The following VWF variants were observed in gnomAD, a reference collection of about 807,000 sequenced individuals.
The protein encoded by VWF is von Willebrand factor.
A neutral mutation model predicts 308.6 loss-of-function variants in VWF; 176 were observed. That is an observed-to-expected ratio of 0.57 (90% confidence interval 0.50 to 0.65). The LOEUF is 0.65. Ranked by LOEUF, VWF falls within the 30% of genes least tolerant of loss-of-function variation. The pLI, the probability that VWF is intolerant of heterozygous loss-of-function variation, is 0.00. For synonymous variants in VWF, 1,385 were observed against 1,443.4 expected (o/e 0.96, Z 0.92); for missense variants, 3,146 against 3,648.2 (o/e 0.86, Z 3.55).
At chr12:5,972,423 G>A (rs77344012) in intron 43 of VWF, among the ~76,000 whole-genome samples, 3,415 of 152,318 alleles carry the variant, frequency 0.022, 68 homozygotes, top group East Asian at 0.08. Context: ...CAATGACAGT[G>A]TGTTTGTCCC....
rs910441755 is a variant in VWF, at chr12:6,058,344, G to A, written c.1534-300C>T. ...GAGAAGGGAGGCCCAAAGAGGCAAA[G>A]TGACTTGCCTAAGGTCAGGGAGGTA... On this transcript the variant is annotated intron_variant, in intron 13 of 51. Transcript: ENST00000261405. The surrounding 1 kb of genome is among the most constrained non-coding windows in gnomAD (Gnocchi z 4.9). Among the ~76,000 whole-genome samples the A allele has an allele frequency of 3.9e-5, 6 of 152,212 alleles. No individual in the cohort carries two copies. Among genetic ancestry groups the A allele is most frequent in the Admixed American group, 2.0e-4 (3 of 15,286 alleles).
chr12:6,000,525 G>A (rs567557949), intron 34 of VWF, among the ~76,000 whole-genome samples: 1 of 152,144 alleles, frequency 6.6e-6, no homozygotes, highest in Admixed American at 6.5e-5. Flanking sequence ...ATCTACTAGA[G>A]ACCCAGGCGC....
At chr12:5,990,874 A>T (rs1943732750) in intron 38 of VWF, among the ~76,000 whole-genome samples, 1 of 49,442 alleles carries the variant, frequency 2.0e-5, no homozygotes. Flanking sequence ...GAGCTAAAAA[A>T]AAAAAAAAAA....
In VWF at chr12:6,027,131, G is replaced by A. The variant is rs142008474; in HGVS notation, c.2968-1085C>T. On this transcript the variant is annotated intron_variant, in intron 22 of 51. Coordinates refer to ENST00000261405, the MANE Select transcript of VWF (RefSeq NM_000552.5). The stretch of plus-strand genomic sequence containing the variant: ...TCTCACTGTTGGGCAAAAGGCCAAC[G>A]ATCTTCCCATGGCCTAGTAGCCCCC... Among the ~76,000 whole-genome samples the A allele has an allele frequency of 2.0e-5, 3 of 152,264 alleles. No homozygotes were observed. The East Asian group carries it at 5.8e-4, about 29-fold the overall frequency.
chr12:6,019,381 T>C lies in VWF; in HGVS notation c.4037A>G (p.Gln1346Arg), dbSNP rs778358708. ...CACCTGGCTGCCCGCATACTTCACC[T>C]GGCTGGCAATGCGCCGCAGCTCTGA... is the stretch of plus-strand genomic sequence containing the variant. Reference protein sequence around the residue: ...RPSELRRIASQVKYAGSQVAS... With the variant: ...RPSELRRIASRVKYAGSQVAS... Residue 1346 changes from glutamine to arginine, a missense_variant, in exon 28 of 52, where the codon CAG becomes CGG. Gln to Arg is a conservative substitution (Grantham distance 43). Around this residue, in one of 3 missense-constraint regions of VWF, gnomAD observed 853 missense variants for 1,177.8 expected, o/e 0.72. Transcript: ENST00000261405. The surrounding 1 kb of genome is among the most constrained non-coding windows in gnomAD (Gnocchi z 5.8). The C allele has an allele frequency of 3.7e-6, 6 of 1,613,930 alleles. No individual in the cohort carries two copies. The highest frequency in any genetic ancestry group is 1.7e-5 in the Admixed American group (1 of 60,014).
intron 13 of VWF, among the ~76,000 whole-genome samples, chr12:6,061,123 C>A (rs1944650225): frequency 1.3e-5 from 2 of 152,170 alleles, no homozygotes; most frequent in African/African-American, 2.4e-5. Flanking sequence ...ATCGCTTCAG[C>A]CTGGAAGGCG....
At chr12:6,043,732 C>T (rs925264339) in intron 18 of VWF, among the ~76,000 whole-genome samples, 1 of 152,198 alleles carries the variant, frequency 6.6e-6, no homozygotes, top group African/African-American at 2.4e-5. Context: ...GGCACAGCAC[C>T]GGAGTCATGG....
intron 5 of VWF, among the ~76,000 whole-genome samples, chr12:6,104,298 A>G (rs112249951): frequency 6.6e-6 from 1 of 152,142 alleles, no homozygotes; most frequent in African/African-American, 2.4e-5. Flanking sequence ...AGGATGAGGA[A>G]AAAGGGGAAC....
chr12:6,013,238 T>C (rs188558524), intron 32 of VWF, among the ~76,000 whole-genome samples: 2 of 152,316 alleles, frequency 1.3e-5, no homozygotes, highest in Admixed American at 6.5e-5. Context: ...CAAGTTCACA[T>C]GGACAATTAG....
At chr12:6,062,911 A>G (rs771578076) in intron 13 of VWF, 43 bp downstream of exon 13, 15 of 1,529,388 alleles carry the variant, frequency 9.8e-6, no homozygotes, top group East Asian at 6.9e-5. Context: ...GTACTTTGTA[A>G]GGGTCGGGCC....
chr12:6,000,619 A>C (rs985717609), intron 34 of VWF, among the ~76,000 whole-genome samples: 4 of 151,946 alleles, frequency 2.6e-5, no homozygotes, highest in Non-Finnish European at 5.9e-5. Context: ...CATCCCGGCT[A>C]ACACGGTGAA....
chr12:5,971,401 A>G (rs1943471851), intron 44 of VWF, among the ~76,000 whole-genome samples, 198 bp downstream of exon 44: 1 of 152,204 alleles, frequency 6.6e-6, no homozygotes, highest in Non-Finnish European at 1.5e-5. Flanking sequence ...AAAATCTACA[A>G]AATGGGAAGG....
At chr12:5,996,296 T>C (rs1591849824) in intron 34 of VWF, 74 bp from the exon 35 acceptor site, 2 of 1,390,146 alleles carry the variant, frequency 1.4e-6, no homozygotes, top group Admixed American at 2.0e-5. Context: ...GACAGGCAGG[T>C]GTGACCAAGT....
At position 6,072,410 on chromosome 12, in the gene VWF, C is replaced by G; in HGVS notation, c.1030G>C (p.Glu344Gln). The stretch of plus-strand genomic sequence containing the variant: ...TGCACGCAGGGACACTCGGTGCTCT[C>G]CACGCAGAGGCCTTCATCCAGGAGC... ...GQLLDEGLCVESTECPCVHSG... is the reference protein window; with the variant it reads ...GQLLDEGLCVQSTECPCVHSG... The change falls in exon 9 of 52, where the codon GAG (glutamate) becomes CAG (glutamine). Residue 344 changes from glutamate to glutamine, a missense_variant. Glu to Gln is a conservative substitution (Grantham distance 29, BLOSUM62 2). Around this residue, in one of 3 missense-constraint regions of VWF, gnomAD observed 1,304 missense variants for 1,353.0 expected, o/e 0.96. Transcript: ENST00000261405. 2 of 1,614,128 alleles carry G rather than the reference C, an allele frequency of 1.2e-6. No homozygotes were observed. Among genetic ancestry groups the G allele is most frequent in the Non-Finnish European group, 1.7e-6 (2 of 1,180,018 alleles).
chr12:5,981,274 A>G (rs1943602266), intron 42 of VWF, among the ~76,000 whole-genome samples: 1 of 151,980 alleles, frequency 6.6e-6, no homozygotes, highest in South Asian at 2.1e-4. Context: ...TGCACTTGTA[A>G]TCTCACCTAC....
At chr12:6,034,870 T>A (rs377381363) in intron 19 of VWF, 44 bp from the exon 20 acceptor site, 8 of 1,610,380 alleles carry the variant, frequency 5.0e-6, no homozygotes, top group Non-Finnish European at 6.8e-6. Flanking sequence ...GCACCTTGGG[T>A]TTGAGGGGCC....
chr12:6,034,003 C>T (rs759073522), intron 20 of VWF, among the ~76,000 whole-genome samples: 3 of 152,262 alleles, frequency 2.0e-5, no homozygotes, highest in Non-Finnish European at 2.9e-5. Flanking sequence ...GAAAGAGAAA[C>T]TTACAAGAAT....
intron 21 of VWF, among the ~76,000 whole-genome samples, chr12:6,031,089 C>G (rs946603882): frequency 2.0e-5 from 3 of 147,384 alleles, no homozygotes; most frequent in Admixed American, 1.3e-4. Context: ...TATCCCATAA[C>G]ATCATCACTT....
chr12:6,084,732 C>G (rs75816227), intron 6 of VWF, among the ~76,000 whole-genome samples: 2,311 of 152,270 alleles, frequency 0.015, 57 homozygotes, highest in African/African-American at 0.053. Flanking sequence ...AAGCCCTGAT[C>G]TTTCTAGCTC....
Sources: allele counts gnomAD v4.1 joint callset (sites outside exome capture counted in the v4.1 genomes callset), GRCh38; gene constraint gnomAD v4.1.1; regional missense constraint gnomAD v4.1.1; non-coding constraint Gnocchi (gnomAD v3.1); transcripts MANE v1.5; gene names NCBI Gene and HGNC (gene_info 2026-07-23, HGNC 2026-07-21).